ADAMTSL3: variants seen among roughly 807,000 people sequenced by gnomAD.
ADAMTSL3 encodes ADAMTS like 3.
ADAMTSL3 carries 128 observed loss-of-function variants against 201.7 expected under a neutral mutation model. The ratio of observed to expected loss-of-function variants is 0.63; its 90% CI spans 0.55 to 0.73. The LOEUF (loss-of-function observed/expected upper bound fraction) is 0.73, where lower values mean the gene tolerates loss of function less well. Among genes scored for constraint, ADAMTSL3 ranks in the 30% least tolerant of loss-of-function variants. The pLI is 0.00. For synonymous variants in ADAMTSL3, 738 were observed against 748.4 expected (o/e 0.99, Z 0.23); for missense variants, 1,990 against 2,119.6 (o/e 0.94, Z 1.20).
At chr15:83,961,446 A>T (rs1226697737) in intron 19 of ADAMTSL3, 1 of 152,246 alleles carries the variant, frequency 6.6e-6, no homozygotes, top group Non-Finnish European at 1.5e-5. Context: ...AAAAGCTTTT[A>T]TCTGCAAGTC....
At chr15:83,864,635 T>C (rs1465900505) in intron 8 of ADAMTSL3, among the ~76,000 whole-genome samples, 4 of 152,208 alleles carry the variant, frequency 2.6e-5, no homozygotes, top group Admixed American at 2.0e-4. Flanking sequence ...GAGCTATCTA[T>C]GACAAACCCA....
At chr15:83,876,797 A>G (rs1470244813) in intron 9 of ADAMTSL3, among the ~76,000 whole-genome samples, 1 of 151,760 alleles carries the variant, frequency 6.6e-6, no homozygotes, top group Admixed American at 6.6e-5. Flanking sequence ...ATGCCTGGCT[A>G]TTTATTCATT....
intron 3 of ADAMTSL3, among the ~76,000 whole-genome samples, chr15:83,714,697 C>T (rs2061977865): frequency 7.0e-6 from 1 of 142,326 alleles, no homozygotes; most frequent in Non-Finnish European, 1.6e-5. Flanking sequence ...TCCTCCCTTC[C>T]TTCCTTCCCT....
In ADAMTSL3 at chr15:84,025,492, G is replaced by A. The variant is rs761337090; in HGVS notation, c.4656+56G>A. On this transcript the variant is annotated intron_variant, in intron 27 of 29. Transcript: ENST00000286744. ...CACTATCTGTCCACACAGATAGTGT[G>A]ATAATAATCACCTTGTTTCCAATAA... The A allele has an allele frequency of 5.9e-6, 9 of 1,515,964 alleles. 1 individual carries two copies. In the South Asian group the frequency reaches 1.1e-4, roughly 19 times the overall value. The allele number at this position is 1,515,964 out of a possible 1,614,324, so 93.9% of individuals were successfully genotyped here.
intron 23 of ADAMTSL3, among the ~76,000 whole-genome samples, chr15:84,001,596 C>T (rs1372800330): frequency 6.6e-6 from 1 of 152,144 alleles, no homozygotes; most frequent in African/African-American, 2.4e-5. Flanking sequence ...GAATAGGCAC[C>T]ACGCAGGAGG....
chr15:83,741,740 T>C (rs1443895823), intron 3 of ADAMTSL3, among the ~76,000 whole-genome samples: 1 of 152,220 alleles, frequency 6.6e-6, no homozygotes, highest in Non-Finnish European at 1.5e-5. Context: ...CTCATCCCTG[T>C]AATCCCAGCA....
intron 19 of ADAMTSL3, among the ~76,000 whole-genome samples, chr15:83,952,004 G>T (rs2066767743): frequency 6.6e-6 from 1 of 151,850 alleles, no homozygotes; most frequent in Non-Finnish European, 1.5e-5. Context: ...TACTAATTTT[G>T]GGTTGTTTTG....
intron 8 of ADAMTSL3, among the ~76,000 whole-genome samples, chr15:83,859,139 C>T (rs2064803723): frequency 6.6e-6 from 1 of 152,150 alleles, no homozygotes; most frequent in African/African-American, 2.4e-5. Context: ...TTTTTAAAGA[C>T]AGGGAGATAG....
chr15:83,707,831 C>G (rs1485767382), intron 3 of ADAMTSL3, among the ~76,000 whole-genome samples: 1 of 152,182 alleles, frequency 6.6e-6, no homozygotes, highest in East Asian at 1.9e-4. Flanking sequence ...CTCTTTGGAA[C>G]AAATTGTCTC....
At position 83,949,049 on chromosome 15, in the gene ADAMTSL3, A is replaced by T. The variant is rs532362511; in HGVS notation, c.2490+5967A>T. On this transcript the variant is annotated intron_variant, in intron 19 of 29. Coordinates refer to ENST00000286744, the MANE Select transcript of ADAMTSL3 (RefSeq NM_207517.3). ...TTATTTTAATTATTTTAAAAATGCA[A>T]TTGAATTGTTTTTGGATATAGTCTC... Among the ~76,000 whole-genome samples the T allele has an allele frequency of 3.1e-4, 47 of 152,246 alleles. 1 individual carries two copies. Among genetic ancestry groups the T allele is most frequent in the African/African-American group, 6.7e-4 (28 of 41,542 alleles).
intron 17 of ADAMTSL3, among the ~76,000 whole-genome samples, chr15:83,935,748 C>T (rs2066449588): frequency 1.3e-5 from 2 of 152,016 alleles, no homozygotes; most frequent in African/African-American, 4.8e-5. Flanking sequence ...GAATTGTATA[C>T]TTATTAAAAC....
At chr15:83,944,340 C>G (rs548640614) in intron 19 of ADAMTSL3, among the ~76,000 whole-genome samples, 20 of 152,244 alleles carry the variant, frequency 1.3e-4, no homozygotes, top group African/African-American at 4.1e-4. Context: ...AGCACAGATT[C>G]CAAAACACAT....
chr15:83,857,849 G>C (rs532925112), intron 7 of ADAMTSL3, among the ~76,000 whole-genome samples: 1 of 152,168 alleles, frequency 6.6e-6, no homozygotes, highest in Non-Finnish European at 1.5e-5. Flanking sequence ...ACATCTGCTT[G>C]AAGTAATTCG....
At chr15:83,798,032 T>C (rs2063455772) in intron 4 of ADAMTSL3, among the ~76,000 whole-genome samples, 2 of 152,122 alleles carry the variant, frequency 1.3e-5, no homozygotes, top group Non-Finnish European at 1.5e-5. Context: ...TTCCTACAGA[T>C]CTCTAAAAGT....
At chr15:83,849,042 C>T (rs2141733642) in intron 7 of ADAMTSL3, among the ~76,000 whole-genome samples, 1 of 152,212 alleles carries the variant, frequency 6.6e-6, no homozygotes, top group Non-Finnish European at 1.5e-5. Context: ...AACCAGTTAC[C>T]ACCATCAACA....
intron 16 of ADAMTSL3, among the ~76,000 whole-genome samples, chr15:83,922,941 A>G (rs1247701127): frequency 6.6e-6 from 1 of 152,224 alleles, no homozygotes; most frequent in African/African-American, 2.4e-5. Context: ...TGACTTTTTA[A>G]TCAAAAGTTT....
At chr15:83,828,502 A>G (rs1299317559) in intron 6 of ADAMTSL3, among the ~76,000 whole-genome samples, 1 of 152,096 alleles carries the variant, frequency 6.6e-6, no homozygotes, top group African/African-American at 2.4e-5. Context: ...TCTTTTCCTA[A>G]TTGAATACCC....
At chr15:83,765,622 T>C (rs1047241650) in intron 3 of ADAMTSL3, among the ~76,000 whole-genome samples, 2 of 152,236 alleles carry the variant, frequency 1.3e-5, no homozygotes, top group Admixed American at 6.5e-5. Flanking sequence ...CTTGAGTCTT[T>C]ATGAGATGGT....
intron 9 of ADAMTSL3, among the ~76,000 whole-genome samples, chr15:83,872,598 C>CCACACACACACACACACACA (rs149299146): frequency 4.6e-3 from 215 of 46,504 alleles, no homozygotes; most frequent in Admixed American, 0.01. Context: ...AAAATATACA[C>CCACACACACACACACACACA]CACACACACA....
Sources: allele counts gnomAD v4.1 joint callset (sites outside exome capture counted in the v4.1 genomes callset), GRCh38; gene constraint gnomAD v4.1.1; transcripts MANE v1.5; gene names NCBI Gene and HGNC (gene_info 2026-07-23, HGNC 2026-07-21).